NFAT5: variants seen among roughly 807,000 people sequenced by gnomAD.
NFAT5 encodes the protein nuclear factor of activated T cells 5.
A neutral mutation model predicts 166.5 loss-of-function variants in NFAT5; 31 were observed. The observed-to-expected ratio is 0.19, with a 90% CI of 0.14 to 0.25. NFAT5 has a LOEUF of 0.25. Among genes scored for constraint, NFAT5 ranks in the 10% least tolerant of loss-of-function variants. The pLI is 1.00. For synonymous variants in NFAT5, 612 were observed against 639.7 expected (o/e 0.96, Z 0.65); for missense variants, 1,449 against 1,821.8 (o/e 0.80, Z 3.72).
At chr16:69,649,338 T>C in intron 4 of NFAT5, 1 of 970,800 alleles carries the variant, frequency 1.0e-6, no homozygotes, top group Non-Finnish European at 1.2e-6. Context: ...GGTTCAAATT[T>C]AGAGCAAATA....
At chr16:69,573,860 A>T (rs2016579736) in intron 2 of NFAT5, among the ~76,000 whole-genome samples, 1 of 149,770 alleles carries the variant, frequency 6.7e-6, no homozygotes, top group Admixed American at 6.8e-5. Context: ...TATATATAAA[A>T]AACAGCCACT....
chr16:69,665,104 T>C (rs2151658868), intron 7 of NFAT5, among the ~76,000 whole-genome samples: 2 of 152,336 alleles, frequency 1.3e-5, no homozygotes, highest in South Asian at 4.1e-4. Flanking sequence ...TAGTTGTGTT[T>C]AGTATGGCGT....
intron 2 of NFAT5, among the ~76,000 whole-genome samples, chr16:69,570,350 CTTTTT>C (rs2016357374): frequency 6.6e-6 from 1 of 151,964 alleles, no homozygotes; most frequent in South Asian, 2.1e-4. Flanking sequence ...ATTGCTATTT[CTTTTT>C]TATTATTGAC....
At chr16:69,587,741 A>C (rs1342075011) in intron 2 of NFAT5, among the ~76,000 whole-genome samples, 1 of 152,090 alleles carries the variant, frequency 6.6e-6, no homozygotes, top group African/African-American at 2.4e-5. Flanking sequence ...ATTTGAAAGA[A>C]TAATATTAGA....
intron 3 of NFAT5, among the ~76,000 whole-genome samples, chr16:69,633,170 T>A (rs75319321): frequency 0.065 from 9,899 of 152,320 alleles, 407 homozygotes; most frequent in South Asian, 0.14. Context: ...ATTTCTCTTT[T>A]TATTGTCCTC....
chr16:69,576,667 C>T (rs1419669668), intron 2 of NFAT5, among the ~76,000 whole-genome samples: 1 of 151,970 alleles, frequency 6.6e-6, no homozygotes, highest in Non-Finnish European at 1.5e-5. Flanking sequence ...CTCAGGAGTT[C>T]GAGATCAGCC....
chr16:69,571,473 A>G (rs1487484040), intron 2 of NFAT5, among the ~76,000 whole-genome samples: 1 of 152,186 alleles, frequency 6.6e-6, no homozygotes, highest in Non-Finnish European at 1.5e-5. Flanking sequence ...CAACCCAGGT[A>G]GTCTCACTTT....
chr16:69,644,628 G>A (rs2035357398), intron 3 of NFAT5, among the ~76,000 whole-genome samples: 1 of 152,154 alleles, frequency 6.6e-6, no homozygotes, highest in Non-Finnish European at 1.5e-5. Context: ...AATCAGTTGG[G>A]TTTTATAATC....
At chr16:69,623,393 T>C (rs2034291618) in intron 2 of NFAT5, among the ~76,000 whole-genome samples, 1 of 151,748 alleles carries the variant, frequency 6.6e-6, no homozygotes, top group Non-Finnish European at 1.5e-5. Context: ...AGTGGCACGA[T>C]CTCGACTCAC....
At chr16:69,663,778 A>G (rs1329749243) in intron 7 of NFAT5, among the ~76,000 whole-genome samples, 3 of 152,054 alleles carry the variant, frequency 2.0e-5, no homozygotes, top group Admixed American at 6.6e-5. Flanking sequence ...TTGAGAGACT[A>G]TGATGGGAGG....
At chr16:69,594,475 A>G (rs2032669051) in intron 2 of NFAT5, among the ~76,000 whole-genome samples, 1 of 152,160 alleles carries the variant, frequency 6.6e-6, no homozygotes, top group Admixed American at 6.5e-5. Flanking sequence ...GGAAACCCAA[A>G]TGTCCCAGCA....
chr16:69,636,171 A>G (rs2034958803), intron 3 of NFAT5, among the ~76,000 whole-genome samples: 1 of 152,192 alleles, frequency 6.6e-6, no homozygotes, highest in Admixed American at 6.5e-5. Context: ...AAGCTCCAAA[A>G]TGATCTCCTT....
rs2032903685 is a variant in NFAT5 at position 69,598,013 on chromosome 16, G to A, written c.128-28390G>A. ...CAAGGGATAAAGTGGGTATGAAGGA[G>A]TGTAAATTATGACTTGTTGCTATGA... is the stretch of plus-strand genomic sequence containing the variant. On this transcript the variant is annotated intron_variant, in intron 2 of 14. Coordinates refer to ENST00000349945, the MANE Select transcript of NFAT5 (RefSeq NM_138713.4). 2.0e-5 allele frequency among the ~76,000 whole-genome samples: 3 copies of A among 152,282 alleles called. No individual in the cohort carries two copies. The South Asian group carries it at 6.2e-4, about 32-fold the overall frequency.
chr16:69,697,205 A>G lies in NFAT5; in HGVS notation c.*854A>G, dbSNP rs570338712. 2 of 152,618 alleles carry G rather than the reference A, an allele frequency of 1.3e-5. No individual in the cohort carries two copies. The highest frequency in any genetic ancestry group is 3.9e-4 in the East Asian group (2 of 5,194). The allele number at this position is 152,618 out of a possible 1,614,324, so 9.5% of individuals were successfully genotyped here. A position where few individuals can be genotyped will look rare whatever the true frequency, so the allele number is the denominator to read the frequency against. ...AGGCTGGTATTCCCTTTTTATATATATCTATATTACTTTTCACCTCTTTTT... is the reference window on the plus strand; with the variant it reads ...AGGCTGGTATTCCCTTTTTATATATGTCTATATTACTTTTCACCTCTTTTT... On this transcript the variant is annotated 3_prime_UTR_variant, in exon 15 of 15. Coordinates refer to ENST00000349945, the MANE Select transcript of NFAT5 (RefSeq NM_138713.4).
At chr16:69,648,133 G>A (rs916759352) in intron 4 of NFAT5, 23 of 775,926 alleles carry the variant, frequency 3.0e-5, no homozygotes, top group African/African-American at 1.2e-4. Context: ...CCGACATCAC[G>A]CCACTGTACT....
intron 13 of NFAT5, 123 bp downstream of exon 13, chr16:69,694,362 C>T: frequency 2.7e-6 from 2 of 730,734 alleles, no homozygotes; most frequent in Non-Finnish European, 4.4e-6. Context: ...TCAGGTGATT[C>T]TCCTGCCTCA....
At chr16:69,603,664 A>T (rs185859115) in intron 2 of NFAT5, among the ~76,000 whole-genome samples, 4 of 152,256 alleles carry the variant, frequency 2.6e-5, no homozygotes, top group Admixed American at 2.6e-4. Flanking sequence ...AGGTGGGAGG[A>T]TGGCTTGAGC....
chr16:69,664,544 C>G (rs932616269), intron 7 of NFAT5, among the ~76,000 whole-genome samples: 2 of 152,156 alleles, frequency 1.3e-5, no homozygotes, highest in South Asian at 2.1e-4. Flanking sequence ...CTCGGCCTCT[C>G]AGGGTGCTGG....
At chr16:69,691,116 C>G in intron 12 of NFAT5, 28 bp downstream of exon 12, 1 of 1,481,474 alleles carries the variant, frequency 6.8e-7, no homozygotes, top group Non-Finnish European at 9.0e-7. Flanking sequence ...GTGCACAAAC[C>G]TCCTATATAA....
Sources: gnomAD v4.1 joint callset for allele counts (sites outside exome capture counted in the v4.1 genomes callset) on GRCh38, gnomAD v4.1.1 for gene constraint, MANE v1.5 for transcripts, NCBI Gene and HGNC (gene_info 2026-07-23, HGNC 2026-07-21) for gene names.